PDSS2: variants seen among roughly 807,000 people sequenced by gnomAD.
PDSS2 encodes all trans-polyprenyl-diphosphate synthase PDSS2.
Under a neutral mutation model 44.5 loss-of-function variants are expected in PDSS2, and 31 were observed. That is an observed-to-expected ratio of 0.70 (90% confidence interval 0.52 to 0.94). The LOEUF (loss-of-function observed/expected upper bound fraction) is 0.94. Ranked by LOEUF, PDSS2 falls within the 40% of genes least tolerant of loss-of-function variation. The probability of loss-of-function intolerance (pLI) is 0.00; values close to 1 mark genes in which losing one functional copy is unlikely to be tolerated. For missense variants in PDSS2, 452 were observed against 482.2 expected (o/e 0.94, Z 0.59); for synonymous variants, 157 against 180.3 (o/e 0.87, Z 1.03).
At chr6:107,428,556 A>G (rs531814513) in intron 1 of PDSS2, among the ~76,000 whole-genome samples, 1 of 152,354 alleles carries the variant, frequency 6.6e-6, no homozygotes, top group South Asian at 2.1e-4. Flanking sequence ...GACCAGACGC[A>G]GTGGCTCATA....
At chr6:107,395,081 C>CTT (rs148156569) in intron 1 of PDSS2, among the ~76,000 whole-genome samples, 3 of 151,716 alleles carry the variant, frequency 2.0e-5, no homozygotes, top group African/African-American at 7.3e-5. Flanking sequence ...AGGTTGACAG[C>CTT]TTTGTTTTTC....
At chr6:107,449,623 C>A (rs1051938120) in intron 1 of PDSS2, among the ~76,000 whole-genome samples, 5 of 152,096 alleles carry the variant, frequency 3.3e-5, no homozygotes, top group African/African-American at 1.2e-4. Context: ...CCTCCAGGTT[C>A]ATCCATATTA....
At chr6:107,384,566 G>T (rs375409684) in intron 1 of PDSS2, among the ~76,000 whole-genome samples, 1 of 151,704 alleles carries the variant, frequency 6.6e-6, no homozygotes, top group South Asian at 2.1e-4. Context: ...GCTGGAACCC[G>T]GGAGGCAGAG....
intron 2 of PDSS2, among the ~76,000 whole-genome samples, chr6:107,278,958 G>A (rs1305229834): frequency 2.0e-5 from 3 of 152,132 alleles, no homozygotes; most frequent in East Asian, 3.9e-4. Context: ...CTGGGCTCAC[G>A]CCTGTAATCC....
At chr6:107,381,041 C>T (rs145016807) in intron 1 of PDSS2, among the ~76,000 whole-genome samples, 12 of 152,272 alleles carry the variant, frequency 7.9e-5, no homozygotes, top group African/African-American at 2.9e-4. Context: ...GTGTCATCCC[C>T]TCATTTCCAT....
At chr6:107,281,895 AATTT>A (rs751551575) in intron 2 of PDSS2, among the ~76,000 whole-genome samples, 1 of 151,864 alleles carries the variant, frequency 6.6e-6, no homozygotes. Flanking sequence ...TTTACTTAGC[AATTT>A]ATTTATTTAT....
intron 1 of PDSS2, among the ~76,000 whole-genome samples, chr6:107,367,190 T>C (rs1469967738): frequency 1.3e-5 from 2 of 152,226 alleles, no homozygotes; most frequent in African/African-American, 4.8e-5. Flanking sequence ...AAGCACGATG[T>C]AGGCTGACTT....
intron 1 of PDSS2, among the ~76,000 whole-genome samples, chr6:107,393,197 A>T (rs772990629): frequency 7.2e-5 from 11 of 152,024 alleles, no homozygotes; most frequent in Non-Finnish European, 1.5e-4. Context: ...ACAAATTGAC[A>T]TGTTGTTTTT....
chr6:107,157,410 T>C (rs1770942523), intron 7 of PDSS2, among the ~76,000 whole-genome samples: 1 of 152,132 alleles, frequency 6.6e-6, no homozygotes, highest in Admixed American at 6.6e-5. Context: ...AATCTCAAAC[T>C]CCTGGGCTCA....
chr6:107,238,389 G>A (rs866963622), intron 4 of PDSS2, among the ~76,000 whole-genome samples: 1 of 151,952 alleles, frequency 6.6e-6, no homozygotes, highest in African/African-American at 2.4e-5. Flanking sequence ...CAAATTCATC[G>A]TAATGACTTT....
intron 4 of PDSS2, among the ~76,000 whole-genome samples, chr6:107,238,672 A>C (rs908745694): frequency 1.3e-5 from 2 of 152,196 alleles, no homozygotes; most frequent in African/African-American, 4.8e-5. Flanking sequence ...CCAGACTCCT[A>C]TAAGGAAAGC....
chr6:107,193,670 C>A (rs1479020460), intron 7 of PDSS2, 152 bp downstream of exon 7: 11 of 661,502 alleles, frequency 1.7e-5, no homozygotes, highest in Non-Finnish European at 2.5e-5. Context: ...GTTGAATGAA[C>A]CTTATTCCAC....
Position 107,186,993 on chromosome 6 carries a change from G to A in PDSS2, c.1041+6829C>T, listed in dbSNP as rs780157755. ...TACCAGGGGAACCCTAAGCCACTAA[G>A]TGTGATGCCTATATTAGCCTGAACA... On this transcript the variant is annotated intron_variant, in intron 7 of 7. Coordinates refer to ENST00000369037, the MANE Select transcript of PDSS2 (RefSeq NM_020381.4). 2.6e-5 allele frequency among the ~76,000 whole-genome samples: 4 copies of A among 152,168 alleles called. No individual in the cohort carries two copies. In the South Asian group the frequency reaches 6.2e-4, roughly 24 times the overall value.
chr6:107,387,768 T>C (rs1216970393), intron 1 of PDSS2, among the ~76,000 whole-genome samples: 3 of 152,202 alleles, frequency 2.0e-5, no homozygotes, highest in Non-Finnish European at 2.9e-5. Flanking sequence ...GAAAACTGTA[T>C]TAGAAGTTGC....
At chr6:107,291,345 A>G (rs956367598) in intron 2 of PDSS2, among the ~76,000 whole-genome samples, 4 of 113,024 alleles carry the variant, frequency 3.5e-5, no homozygotes, top group Admixed American at 1.0e-4. Flanking sequence ...ATTTTATTTT[A>G]TAATTTTTTT....
chr6:107,328,290 A>T (rs1214994436), intron 2 of PDSS2, among the ~76,000 whole-genome samples: 1 of 152,252 alleles, frequency 6.6e-6, no homozygotes, highest in East Asian at 1.9e-4. Context: ...GGGGTCACAC[A>T]GCTAGTAAGT....
intron 1 of PDSS2, among the ~76,000 whole-genome samples, chr6:107,454,198 C>T (rs1458598795): frequency 6.6e-6 from 1 of 151,586 alleles, no homozygotes; most frequent in Non-Finnish European, 1.5e-5. Flanking sequence ...CAGGCATGCA[C>T]CAGCAACCCG....
intron 7 of PDSS2, among the ~76,000 whole-genome samples, chr6:107,190,096 AC>A (rs1027207515): frequency 6.6e-6 from 1 of 151,414 alleles, no homozygotes; most frequent in Non-Finnish European, 1.5e-5. Context: ...AAAAAAAAAA[AC>A]AAAAATAACC....
At chr6:107,359,965 C>CA (rs1395510094) in intron 1 of PDSS2, among the ~76,000 whole-genome samples, 15 of 152,248 alleles carry the variant, frequency 9.9e-5, no homozygotes, top group African/African-American at 3.4e-4. Context: ...ACATAAATTG[C>CA]AATCAAGTAC....
Sources: allele counts gnomAD v4.1 joint callset (sites outside exome capture counted in the v4.1 genomes callset), GRCh38; gene constraint gnomAD v4.1.1; transcripts MANE v1.5; gene names NCBI Gene and HGNC (gene_info 2026-07-23, HGNC 2026-07-21).